OR1F1: variants seen among roughly 807,000 people sequenced by gnomAD.
OR1F1 encodes the protein olfactory receptor 1F1.
For missense variants in OR1F1, 493 were observed against 376.3 expected (o/e 1.31, Z -2.57); for synonymous variants, 184 against 156.7 (o/e 1.17, Z -1.30).
exon 1 of OR1F1, chr16:3,204,251 G>C: frequency 6.3e-7 from 1 of 1,594,726 alleles, no homozygotes; most frequent in Non-Finnish European, 8.6e-7. Context: ...AGGCCCATGA[G>C]CGGGACAAAC....
At chr16:3,189,955 G>C in the OR1F1 span, among the ~76,000 whole-genome samples, 24 of 151,824 alleles carry the variant, frequency 1.6e-4, no homozygotes, top group Admixed American at 3.3e-4. Context: ...TTTTTGTTTT[G>C]TTTTGTTTTG....
At chr16:3,204,321 TCTC>T in exon 1 of OR1F1, 9 of 1,614,074 alleles carry the variant, frequency 5.6e-6, no homozygotes, top group Non-Finnish European at 7.6e-6. Context: ...AGCAGCAGCA[TCTC>T]CTCTTTGTGT....
chr16:3,201,264 G>T (rs1958131980), upstream of OR1F1, among the ~76,000 whole-genome samples: 1 of 152,146 alleles, frequency 6.6e-6, no homozygotes, highest in African/African-American at 2.4e-5. Context: ...TGGCCATTGT[G>T]ACTAATGTAC....
At chr16:3,194,455 T>C in the OR1F1 span, among the ~76,000 whole-genome samples, 29 of 152,324 alleles carry the variant, frequency 1.9e-4, no homozygotes, top group South Asian at 6.0e-3. Flanking sequence ...GGGGATGAAT[T>C]GAATACAGTT....
chr16:3,204,261 C>G (rs755868658), exon 1 of OR1F1: 1 of 1,607,460 alleles, frequency 6.2e-7, no homozygotes, highest in South Asian at 1.1e-5. Context: ...GCGGGACAAA[C>G]CAGTCGAGTG....
exon 1 of OR1F1, chr16:3,204,259 A>G: frequency 6.2e-7 from 1 of 1,607,168 alleles, no homozygotes; most frequent in Non-Finnish European, 8.5e-7. Flanking sequence ...GAGCGGGACA[A>G]ACCAGTCGAG....
the OR1F1 span, among the ~76,000 whole-genome samples, chr16:3,190,142 G>C: frequency 6.6e-6 from 1 of 152,032 alleles, no homozygotes; most frequent in Middle Eastern, 3.2e-3. Flanking sequence ...CCAGGCACTC[G>C]AGCAGTGGAG....
chr16:3,204,361 G>A (rs145939751), exon 1 of OR1F1: 3 of 1,614,076 alleles, frequency 1.9e-6, no homozygotes, highest in Non-Finnish European at 2.5e-6. Flanking sequence ...CCTGGCCACT[G>A]TCCTGGGGAA....
the OR1F1 span, among the ~76,000 whole-genome samples, chr16:3,192,007 T>C: frequency 6.6e-6 from 1 of 151,758 alleles, no homozygotes; most frequent in Non-Finnish European, 1.5e-5. Context: ...GGTCTAGGGG[T>C]ATGATTCTCG....
the OR1F1 span, among the ~76,000 whole-genome samples, chr16:3,193,951 C>T: frequency 0.27 from 40,672 of 151,990 alleles, 5,549 homozygotes; most frequent in East Asian, 0.31. Context: ...GTACTGGCCT[C>T]CTAAGCCAGG....
At chr16:3,203,488 A>G (rs574582210), upstream of OR1F1, among the ~76,000 whole-genome samples, 7 of 152,348 alleles carry the variant, frequency 4.6e-5, no homozygotes, top group Admixed American at 4.6e-4. Context: ...ATCATTGGCC[A>G]GGTGTGGTGG....
At chr16:3,198,521 G>A in the OR1F1 span, among the ~76,000 whole-genome samples, 5 of 152,266 alleles carry the variant, frequency 3.3e-5, no homozygotes, top group African/African-American at 1.2e-4. Context: ...ATATGCAAGC[G>A]GGGACAGGGA....
the OR1F1 span, chr16:3,191,466 C>T: frequency 6.6e-6 from 1 of 152,138 alleles, no homozygotes; most frequent in African/African-American, 2.4e-5. Context: ...TCATGCCACC[C>T]CGCCAATTAC....
chr16:3,195,207 C>T, the OR1F1 span, among the ~76,000 whole-genome samples: 2 of 152,226 alleles, frequency 1.3e-5, no homozygotes, highest in African/African-American at 4.8e-5. Context: ...CTCTTCCTGC[C>T]GCTACGGAAA....
chr16:3,191,980 T>C, the OR1F1 span, among the ~76,000 whole-genome samples: 1 of 152,182 alleles, frequency 6.6e-6, no homozygotes, highest in South Asian at 2.1e-4. Context: ...GTAAAGGGCC[T>C]GCTGCTGTGG....
At chr16:3,194,005 G>A in the OR1F1 span, among the ~76,000 whole-genome samples, 1 of 152,282 alleles carries the variant, frequency 6.6e-6, no homozygotes, top group East Asian at 1.9e-4. Flanking sequence ...AACACCGACC[G>A]TAGGTGACTT....
the OR1F1 span, among the ~76,000 whole-genome samples, chr16:3,192,950 T>G: frequency 6.6e-6 from 1 of 152,220 alleles, no homozygotes; most frequent in African/African-American, 2.4e-5. Flanking sequence ...TTTTTTATCT[T>G]TTTTGAAATG....
chr16:3,204,467 C>T lies in OR1F1; in HGVS notation c.221C>T (p.Ser74Phe), dbSNP rs368624412. Residue 74 changes from serine to phenylalanine, a missense_variant, in exon 1 of 1, where the codon TCC becomes TTC. By Grantham distance (155) the Ser-to-Phe change is radical. Transcript: ENST00000304646. ...CTGTCTTTTGTGGACATCTGCTTCTCCTTCACCACCGTCCCCAAGATGCTG... is the reference window on the plus strand; with the variant it reads ...CTGTCTTTTGTGGACATCTGCTTCTTCTTCACCACCGTCCCCAAGATGCTG... 3.7e-6 allele frequency: 6 copies of T among 1,614,038 alleles called. No individual in the cohort carries two copies. In the African/African-American group the frequency reaches 4.0e-5, roughly 11 times the overall value.
At chr16:3,203,721 G>A (rs375700490), upstream of OR1F1, among the ~76,000 whole-genome samples, 15 of 152,142 alleles carry the variant, frequency 9.9e-5, no homozygotes, top group South Asian at 2.1e-4. Context: ...CCAAGATCTC[G>A]CCACTGCACT....
Sources: gnomAD v4.1 joint callset for allele counts (sites outside exome capture counted in the v4.1 genomes callset) on GRCh38, gnomAD v4.1.1 for gene constraint, MANE v1.5 for transcripts, NCBI Gene and HGNC (gene_info 2026-07-23, HGNC 2026-07-21) for gene names.